KIF11: variants seen among roughly 807,000 people sequenced by gnomAD.
KIF11 encodes the protein kinesin-like protein KIF11.
Under a neutral mutation model 121.0 loss-of-function variants are expected in KIF11, and 9 were observed. The ratio of observed to expected loss-of-function variants is 0.07; its 90% CI spans 0.04 to 0.13. The LOEUF (loss-of-function observed/expected upper bound fraction) is 0.13. Ranked by LOEUF, KIF11 falls within the 10% of genes least tolerant of loss-of-function variation. KIF11 has a pLI of 1.00. For missense variants in KIF11, 846 were observed against 1,217.5 expected (o/e 0.69, Z 4.54); for synonymous variants, 408 against 421.0 (o/e 0.97, Z 0.38).
At position 92,632,594 on chromosome 10, in the gene KIF11, G is replaced by A; in HGVS notation, c.1603G>A (p.Gly535Ser). 6.2e-7 allele frequency: 1 copy of A among 1,613,438 alleles called. No individual in the cohort carries two copies. Among genetic ancestry groups the A allele is most frequent in the Non-Finnish European group, 8.5e-7 (1 of 1,179,474 alleles). ...CAATGCAGAAGCTCAGGATATTTTTGGCAAAAACCTGAATAGTCTGTTTAA... is the reference window on the plus strand; with the variant it reads ...CAATGCAGAAGCTCAGGATATTTTTAGCAAAAACCTGAATAGTCTGTTTAA... ...QHNAEAQDIF[G>S]KNLNSLFNNM... is the part of the protein sequence containing the mutation. Residue 535 changes from glycine (G) to serine (S), a missense_variant, in exon 13 of 22, where the codon GGC becomes AGC. Gly to Ser is a moderately conservative substitution (Grantham distance 56, BLOSUM62 0). Around this residue, in one of 5 missense-constraint regions of KIF11, gnomAD observed 492 missense variants for 603.4 expected, o/e 0.82. Transcript: ENST00000260731.
intron 11 of KIF11, among the ~76,000 whole-genome samples, chr10:92,629,112 C>G (rs193015833): frequency 6.6e-6 from 1 of 152,060 alleles, no homozygotes; most frequent in Admixed American, 6.5e-5. Context: ...TCCCGAGTAG[C>G]TGGGATTACA....
intron 11 of KIF11, 50 bp from the exon 12 acceptor site, chr10:92,630,126 G>GCTA (rs1844720536): frequency 1.1e-6 from 1 of 930,324 alleles, no homozygotes; most frequent in Non-Finnish European, 1.6e-6. Context: ...TTATGAACTA[G>GCTA]CTAGATATCC....
chr10:92,621,776 AT>A (rs1265935604), intron 10 of KIF11, among the ~76,000 whole-genome samples: 3 of 152,042 alleles, frequency 2.0e-5, no homozygotes, highest in Non-Finnish European at 4.4e-5. Flanking sequence ...TAATTTTTGC[AT>A]TTTTTTGTAG....
At chr10:92,599,603 C>T (rs1298943124) in intron 1 of KIF11, among the ~76,000 whole-genome samples, 1 of 149,582 alleles carries the variant, frequency 6.7e-6, no homozygotes, top group African/African-American at 2.4e-5. Flanking sequence ...GCTGAATTCA[C>T]TTATTAGTTC....
chr10:92,620,037 G>A (rs2135909004), intron 9 of KIF11, among the ~76,000 whole-genome samples: 3 of 146,524 alleles, frequency 2.0e-5, no homozygotes, highest in Middle Eastern at 7.2e-3. Context: ...AAGCAGTAGT[G>A]TCTTCTTCCA....
chr10:92,634,070 A>G (rs1221539614), intron 14 of KIF11, among the ~76,000 whole-genome samples: 1 of 150,918 alleles, frequency 6.6e-6, no homozygotes, highest in Admixed American at 6.6e-5. Context: ...TGCAAGCTCT[A>G]CCTCCCGGGT....
intron 1 of KIF11, among the ~76,000 whole-genome samples, chr10:92,603,853 C>T (rs1447760509): frequency 1.3e-5 from 2 of 152,166 alleles, no homozygotes; most frequent in Non-Finnish European, 2.9e-5. Flanking sequence ...TCATCTCTTC[C>T]TTCAACTAAG....
chr10:92,652,777 G>C (rs913783698), intron 21 of KIF11, among the ~76,000 whole-genome samples: 11 of 152,184 alleles, frequency 7.2e-5, no homozygotes, highest in African/African-American at 2.7e-4. Flanking sequence ...TAGTGATTCA[G>C]CTATGGCAAG....
chr10:92,617,038 T>G (rs1844564680), intron 9 of KIF11, among the ~76,000 whole-genome samples: 1 of 152,252 alleles, frequency 6.6e-6, no homozygotes, highest in South Asian at 2.1e-4. Context: ...TCAACTGAGT[T>G]GGTACTCTTA....
intron 14 of KIF11, among the ~76,000 whole-genome samples, chr10:92,636,747 AT>A (rs924299053): frequency 5.3e-5 from 8 of 151,496 alleles, no homozygotes; most frequent in Admixed American, 2.0e-4. Context: ...AAAATGGAGA[AT>A]GGGGCCGGGC....
rs557120364 is a variant in KIF11, at chr10:92,613,503, A to G, written c.916A>G (p.Thr306Ala). 6.2e-7 allele frequency: 1 copy of G among 1,613,346 alleles called. No homozygotes were observed. Among genetic ancestry groups the G allele is most frequent in the South Asian group, 1.1e-5 (1 of 91,062 alleles). ...GRVITALVER[T>A]PHVPYRESKL... Reference sequence around the variant, plus strand: ...GGTCATTACTGCCCTTGTAGAAAGAACACCTCATGTTCCTTATCGAGAATC... The same window carrying G: ...GGTCATTACTGCCCTTGTAGAAAGAGCACCTCATGTTCCTTATCGAGAATC... Residue 306 changes from threonine (T) to alanine (A), a missense_variant, in exon 8 of 22, where the codon ACA (threonine) becomes GCA (alanine). Coordinates refer to ENST00000260731, the MANE Select transcript of KIF11 (RefSeq NM_004523.4). The surrounding 1 kb of genome is among the most constrained non-coding windows in gnomAD (Gnocchi z 4.2).
At chr10:92,648,095 T>A in intron 18 of KIF11, 117 bp from the exon 19 acceptor site, 1 of 637,028 alleles carries the variant, frequency 1.6e-6, no homozygotes, top group Middle Eastern at 3.6e-4. Flanking sequence ...GGCAACAGAG[T>A]GAGACTTGTC....
rs549139719 is a variant in KIF11, at chr10:92,626,813, G to A, written c.1218-1995G>A. ...CTCACTCTGTCACCCAGGCTGGAGT[G>A]CAGTGGCGCCATCTTGGCTCACTGC... is the stretch of plus-strand genomic sequence containing the variant. On this transcript the variant is annotated intron_variant, in intron 10 of 21. Transcript: ENST00000260731. Among the ~76,000 whole-genome samples, 10 of 152,200 alleles carry A rather than the reference G, an allele frequency of 6.6e-5. No individual in the cohort carries two copies. In the South Asian group the frequency reaches 2.1e-3, roughly 32 times the overall value.
chr10:92,608,343 C>T (rs1203289745), intron 4 of KIF11, among the ~76,000 whole-genome samples: 4 of 151,740 alleles, frequency 2.6e-5, no homozygotes, highest in African/African-American at 4.8e-5. Flanking sequence ...GAGTCATTAA[C>T]TTACTTTACA....
chr10:92,625,350 C>CTT (rs1209951689), intron 10 of KIF11, among the ~76,000 whole-genome samples: 10 of 139,242 alleles, frequency 7.2e-5, no homozygotes, highest in East Asian at 2.1e-4. Context: ...CATTTGCCCA[C>CTT]TTTTTTTTTT....
intron 12 of KIF11, 65 bp downstream of exon 12, chr10:92,630,429 C>A: frequency 2.1e-6 from 2 of 942,584 alleles, no homozygotes; most frequent in Non-Finnish European, 3.0e-6. Flanking sequence ...ATTTTCTGTG[C>A]TTAAGCATTA....
intron 9 of KIF11, among the ~76,000 whole-genome samples, chr10:92,619,404 A>G (rs1197292916): frequency 5.3e-5 from 8 of 152,232 alleles, no homozygotes; most frequent in African/African-American, 1.7e-4. Context: ...ATTGAATAAC[A>G]TATGAGCTAA....
intron 4 of KIF11, 129 bp from the exon 5 acceptor site, chr10:92,608,890 TC>T (rs1212919567): frequency 7.4e-6 from 4 of 540,678 alleles, no homozygotes; most frequent in East Asian, 6.0e-5. Context: ...GTTAGTTGTT[TC>T]TTTTTTTGTT....
intron 4 of KIF11, 75 bp from the exon 5 acceptor site, chr10:92,608,944 TA>T: frequency 1.3e-6 from 1 of 763,610 alleles, no homozygotes; most frequent in Non-Finnish European, 2.0e-6. Context: ...AAATATATTA[TA>T]AAGGAGGCCC....
Sources: allele counts gnomAD v4.1 joint callset (sites outside exome capture counted in the v4.1 genomes callset), GRCh38; gene constraint gnomAD v4.1.1; regional missense constraint gnomAD v4.1.1; non-coding constraint Gnocchi (gnomAD v3.1); transcripts MANE v1.5; gene names NCBI Gene and HGNC (gene_info 2026-07-23, HGNC 2026-07-21).